Variants in LCLAT1 observed in about 807,000 individuals in gnomAD.
LCLAT1 encodes lysocardiolipin acyltransferase 1.
In LCLAT1, 11 loss-of-function variants were observed where a neutral mutation model predicts 30.7. That is an observed-to-expected ratio of 0.36 (90% CI 0.23 to 0.59). The LOEUF is 0.59. Ranked by LOEUF, LCLAT1 falls within the 20% of genes least tolerant of loss-of-function variation. LCLAT1 has a pLI of 0.77. For missense variants in LCLAT1, 402 were observed against 458.6 expected, an observed-to-expected ratio of 0.88 and a Z score of 1.13; for synonymous variants, 155 against 151.3, an observed-to-expected ratio of 1.02 and a Z score of -0.18.
Position 30,640,565 on chromosome 2 carries a change from A to C in LCLAT1, c.1077A>C (p.Ala359=). 6.2e-7 allele frequency: 1 copy of C among 1,613,390 alleles called. No individual in the cohort carries two copies. Among genetic ancestry groups the C allele is most frequent in the Admixed American group, 1.7e-5 (1 of 59,912 alleles). ...GTGGACTGGAGATCATAGAACTTGC[A>C]TGTTACCGACTTTTACACAAACAGC... is the stretch of plus-strand genomic sequence containing the variant. The part of the protein sequence containing the change: ...IFGGLEIIEL[A]CYRLLHKQPH... Residue 359 remains alanine, a synonymous_variant, in exon 6 of 6, where the codon GCA becomes GCC. Coordinates refer to ENST00000379509, the MANE Select transcript of LCLAT1 (RefSeq NM_001002257.3).
intron 1 of LCLAT1, among the ~76,000 whole-genome samples, chr2:30,525,131 G>A (rs1430347248): frequency 1.3e-5 from 2 of 151,542 alleles, no homozygotes; most frequent in East Asian, 1.9e-4. Flanking sequence ...TTTTGAAACT[G>A]TCTCATTCTG....
At chr2:30,629,042 C>T (rs972350842) in intron 5 of LCLAT1, among the ~76,000 whole-genome samples, 6 of 152,068 alleles carry the variant, frequency 3.9e-5, no homozygotes, top group Non-Finnish European at 5.9e-5. Context: ...AGACAAACAA[C>T]TTATAGAAAA....
At chr2:30,468,695 C>G (rs780584596) in intron 1 of LCLAT1, among the ~76,000 whole-genome samples, 4 of 152,202 alleles carry the variant, frequency 2.6e-5, no homozygotes, top group Non-Finnish European at 4.4e-5. Flanking sequence ...TTGCTCCCTT[C>G]TACCCAGCCT....
intron 5 of LCLAT1, among the ~76,000 whole-genome samples, chr2:30,623,658 G>A (rs980451674): frequency 6.6e-6 from 1 of 152,130 alleles, no homozygotes; most frequent in African/African-American, 2.4e-5. Flanking sequence ...TGTTCCCAAG[G>A]AAGGGAAATC....
intron 1 of LCLAT1, among the ~76,000 whole-genome samples, chr2:30,490,128 T>C (rs1683768904): frequency 6.6e-6 from 1 of 152,110 alleles, no homozygotes. Context: ...TTCACAGTTA[T>C]TAAGTGGCCA....
At chr2:30,596,579 C>G (rs1666939116) in intron 5 of LCLAT1, among the ~76,000 whole-genome samples, 1 of 151,398 alleles carries the variant, frequency 6.6e-6, no homozygotes, top group South Asian at 2.1e-4. Flanking sequence ...AAATTTTCTC[C>G]CTTTCTGTAG....
At chr2:30,532,191 T>G (rs1686013233) in intron 2 of LCLAT1, among the ~76,000 whole-genome samples, 1 of 152,240 alleles carries the variant, frequency 6.6e-6, no homozygotes. Context: ...TTGCTGTAGG[T>G]ACTTGTAGTT....
At chr2:30,565,531 C>A (rs1477354774) in intron 4 of LCLAT1, among the ~76,000 whole-genome samples, 1 of 152,142 alleles carries the variant, frequency 6.6e-6, no homozygotes, top group Admixed American at 6.5e-5. Context: ...AATTAGCCAT[C>A]ACAATTAGTA....
At chr2:30,469,873 A>G (rs539615519) in intron 1 of LCLAT1, among the ~76,000 whole-genome samples, 1 of 152,062 alleles carries the variant, frequency 6.6e-6, no homozygotes, top group Admixed American at 6.6e-5. Flanking sequence ...GATTACATGC[A>G]TGAGCCACTG....
intron 5 of LCLAT1, among the ~76,000 whole-genome samples, chr2:30,636,451 C>A (rs1385622469): frequency 2.0e-5 from 3 of 152,150 alleles, no homozygotes; most frequent in African/African-American, 7.2e-5. Flanking sequence ...CAACAACCTT[C>A]TTAGGTAATT....
chr2:30,579,522 G>A (rs1666126143), intron 5 of LCLAT1, among the ~76,000 whole-genome samples: 2 of 152,110 alleles, frequency 1.3e-5, no homozygotes. Flanking sequence ...CACAGAAACA[G>A]CATACAAGTG....
intron 1 of LCLAT1, among the ~76,000 whole-genome samples, chr2:30,493,001 C>T (rs1467034991): frequency 1.3e-5 from 2 of 152,140 alleles, no homozygotes; most frequent in African/African-American, 2.4e-5. Context: ...AGCCCAGACC[C>T]GTGGGCTACA....
chr2:30,476,667 C>A, intron 1 of LCLAT1: 2 of 378,670 alleles, frequency 5.3e-6, no homozygotes, highest in Non-Finnish European at 1.0e-5. Flanking sequence ...TTATATATTA[C>A]AGTGTAGTAG....
In LCLAT1 at chr2:30,525,641, C is replaced by T. The variant is rs777551109; in HGVS notation, c.51C>T (p.Ser17=). ...TTATACTGACTCTGTTTTGGGGAAG[C>T]TTTTTTGGAAGCATTTTCATGCTGA... ...IYFILTLFWG[S]FFGSIFMLSP... Residue 17 remains serine (S), a synonymous_variant, in exon 2 of 6, where the codon AGC becomes AGT. Coordinates refer to ENST00000379509, the MANE Select transcript of LCLAT1 (RefSeq NM_001002257.3). 1.9e-6 allele frequency: 3 copies of T among 1,613,752 alleles called. No homozygotes were observed. The African/African-American group carries it at 4.0e-5, about 22-fold the overall frequency.
At chr2:30,560,611 A>G (rs1439160851) in intron 3 of LCLAT1, among the ~76,000 whole-genome samples, 1 of 152,106 alleles carries the variant, frequency 6.6e-6, no homozygotes, top group Non-Finnish European at 1.5e-5. Flanking sequence ...TGCTGGGATT[A>G]CAGGCATGAG....
chr2:30,475,794 GAGA>G (rs1289440425), intron 1 of LCLAT1, among the ~76,000 whole-genome samples: 3 of 152,160 alleles, frequency 2.0e-5, no homozygotes, highest in African/African-American at 7.2e-5. Context: ...GCAAGATTTT[GAGA>G]AGATTTCAGT....
At chr2:30,631,449 G>C (rs1001067522) in intron 5 of LCLAT1, among the ~76,000 whole-genome samples, 1 of 152,080 alleles carries the variant, frequency 6.6e-6, no homozygotes, top group African/African-American at 2.4e-5. Context: ...CTGAATGTTA[G>C]AAAATAAACC....
intron 5 of LCLAT1, among the ~76,000 whole-genome samples, chr2:30,620,291 A>G (rs1233069584): frequency 6.6e-6 from 1 of 152,120 alleles, no homozygotes; most frequent in African/African-American, 2.4e-5. Context: ...TTGCTAAAAT[A>G]CAGTTTGCCT....
At chr2:30,462,771 C>T (rs553096382) in intron 1 of LCLAT1, among the ~76,000 whole-genome samples, 2 of 152,114 alleles carry the variant, frequency 1.3e-5, no homozygotes, top group South Asian at 4.1e-4. Flanking sequence ...TTTTGTGTTA[C>T]GTGAGCTGAT....
Sources: allele counts gnomAD v4.1 joint callset (sites outside exome capture counted in the v4.1 genomes callset), GRCh38; gene constraint gnomAD v4.1.1; transcripts MANE v1.5; gene names NCBI Gene and HGNC (gene_info 2026-07-23, HGNC 2026-07-21).